PCDHGA12: variants seen among roughly 807,000 people sequenced by gnomAD.
PCDHGA12 encodes protocadherin gamma subfamily A, 12, also known as protocadherin gamma-A12.
Under a neutral mutation model 61.1 loss-of-function variants are expected in PCDHGA12, and 43 were observed. The ratio of observed to expected loss-of-function variants is 0.70; its 90% CI spans 0.55 to 0.91. The LOEUF (loss-of-function observed/expected upper bound fraction) is 0.91. Ranked by LOEUF, PCDHGA12 falls within the 40% of genes least tolerant of loss-of-function variation. The probability of loss-of-function intolerance (pLI) is 0.00; values close to 1 mark genes in which losing one functional copy is unlikely to be tolerated. For missense variants in PCDHGA12, 1,236 were observed against 1,227.7 expected (o/e 1.01, Z -0.10); for synonymous variants, 520 against 542.9 (o/e 0.96, Z 0.59).
intron 1 of PCDHGA12, among the ~76,000 whole-genome samples, chr5:141,445,553 A>T (rs948468877): frequency 1.3e-5 from 2 of 152,252 alleles, no homozygotes; most frequent in Non-Finnish European, 1.5e-5. Context: ...ATACAAAAGC[A>T]CTAAGAGAAA....
chr5:141,433,514 G>C (rs1330494451), intron 1 of PCDHGA12, among the ~76,000 whole-genome samples: 1 of 152,016 alleles, frequency 6.6e-6, no homozygotes, highest in East Asian at 1.9e-4. Context: ...GATTACAGGC[G>C]TGAACCACAG....
intron 2 of PCDHGA12, among the ~76,000 whole-genome samples, chr5:141,502,401 G>A (rs191747075): frequency 2.0e-5 from 3 of 151,874 alleles, no homozygotes; most frequent in Admixed American, 1.3e-4. Flanking sequence ...AAATGTCCCC[G>A]AACCTGGATT....
intron 1 of PCDHGA12, among the ~76,000 whole-genome samples, chr5:141,474,417 C>CCATT (rs1206525105): frequency 6.6e-6 from 1 of 152,222 alleles, no homozygotes; most frequent in East Asian, 1.9e-4. Context: ...GATGCCTAGA[C>CCATT]CATTGGTCCT....
chr5:141,430,815 T>A lies in PCDHGA12; in HGVS notation c.56T>A (p.Leu19His). The A allele has an allele frequency of 6.5e-7, 1 of 1,535,252 alleles. No homozygotes were observed. Among genetic ancestry groups the A allele is most frequent in the Non-Finnish European group, 8.7e-7 (1 of 1,145,670 alleles). The change falls in exon 1 of 4, where the codon CTC (leucine) becomes CAC (histidine). Residue 19 changes from leucine to histidine, a missense_variant. Coordinates refer to ENST00000252085, the MANE Select transcript of PCDHGA12 (RefSeq NM_003735.3). The part of the protein sequence containing the change: ...DYKGLVLLGI[L>H]LGTLWETGCT... ...AAAGGGCTTGTCCTGCTGGGAATCC[T>A]CCTGGGGACTCTGTGGGAGACCGGA...
chr5:141,471,444 A>T (rs1366430114), intron 1 of PCDHGA12: 1 of 152,150 alleles, frequency 6.6e-6, no homozygotes, highest in Non-Finnish European at 1.5e-5. Flanking sequence ...AATCTCATGT[A>T]CCTTTTGAAA....
At chr5:141,437,205 A>G (rs1561884114) in intron 1 of PCDHGA12, among the ~76,000 whole-genome samples, 1 of 152,202 alleles carries the variant, frequency 6.6e-6, no homozygotes, top group African/African-American at 2.4e-5. Context: ...ATGTGTTTAC[A>G]TTTATTCTGA....
chr5:141,468,549 C>T (rs1289802190), intron 1 of PCDHGA12: 2 of 151,940 alleles, frequency 1.3e-5, no homozygotes, highest in Non-Finnish European at 2.9e-5. Flanking sequence ...ACATATTTAA[C>T]ATTTGTGATA....
Position 141,485,567 on chromosome 5 carries a change from C to G in PCDHGA12, c.2425-9240C>G. The stretch of plus-strand genomic sequence containing the variant: ...CGTAGATGTGAATGATCACGCCCCC[C>G]GTTTTCCGCGGCAGCAGCTGGACTT... On this transcript the variant is annotated intron_variant, in intron 1 of 3. Transcript: ENST00000252085. This position sits in a 1 kb window ranked among gnomAD's most constrained non-coding sequence, Gnocchi z 5.7. 1 of 1,612,882 alleles carries G rather than the reference C, an allele frequency of 6.2e-7. No individual in the cohort carries two copies. The highest frequency in any genetic ancestry group is 8.5e-7 in the Non-Finnish European group (1 of 1,178,978).
rs753473913 is a variant in PCDHGA12 at position 141,503,323 on chromosome 5, G to A, written c.2484-2070G>A. On this transcript the variant is annotated intron_variant, in intron 2 of 3. Transcript: ENST00000252085. The stretch of plus-strand genomic sequence containing the variant: ...CTCAAGAAAGAATTGTTGGAGGGGC[G>A]CGGTGGCTCACGCCTGTAATTCCAG... Among the ~76,000 whole-genome samples the A allele has an allele frequency of 2.0e-5, 3 of 152,214 alleles. No individual in the cohort carries two copies. In the Middle Eastern group the frequency reaches 0.01, roughly 518 times the overall value.
chr5:141,465,273 G>A (rs949271610), intron 1 of PCDHGA12, among the ~76,000 whole-genome samples: 1 of 152,068 alleles, frequency 6.6e-6, no homozygotes, highest in Non-Finnish European at 1.5e-5. Context: ...TAGCCATTTA[G>A]TTCACCCCTA....
chr5:141,484,907 C>T, intron 1 of PCDHGA12: 1 of 409,994 alleles, frequency 2.4e-6, no homozygotes, highest in Non-Finnish European at 4.3e-6. Context: ...AATGCTGCGA[C>T]GCATTAACCC....
At position 141,432,003 on chromosome 5, in the gene PCDHGA12, T is replaced by A; in HGVS notation, c.1244T>A (p.Val415Asp). Residue 415 changes from valine to aspartate, a missense_variant, in exon 1 of 4, where the codon GTT becomes GAT. Val to Asp is a radical substitution (Grantham distance 152, BLOSUM62 -3). Coordinates refer to ENST00000252085, the MANE Select transcript of PCDHGA12 (RefSeq NM_003735.3). This position sits in a 1 kb window ranked among gnomAD's most constrained non-coding sequence, Gnocchi z 6.0. ...GACATAGTCTTGGATAGGGAACAGG[T>A]TCCTAGCTACAACATCACAGTGACC... The part of the protein sequence containing the change: ...VTDIVLDREQ[V>D]PSYNITVTAT... The A allele has an allele frequency of 6.2e-7, 1 of 1,614,116 alleles. No individual in the cohort carries two copies.
chr5:141,450,489 CTGTT>C (rs1372781820), intron 1 of PCDHGA12, among the ~76,000 whole-genome samples: 4 of 150,280 alleles, frequency 2.7e-5, no homozygotes, highest in Non-Finnish European at 2.9e-5. Context: ...GTTTGTTTGT[CTGTT>C]TGTTTGTTTT....
intron 1 of PCDHGA12, chr5:141,479,691 C>T (rs2099503603): frequency 6.6e-6 from 1 of 152,206 alleles, no homozygotes; most frequent in Non-Finnish European, 1.5e-5. Context: ...TTTGGTGCCT[C>T]CAGTGTTAGT....
At chr5:141,436,211 C>T (rs12108692) in intron 1 of PCDHGA12, among the ~76,000 whole-genome samples, 2,997 of 152,100 alleles carry the variant, frequency 0.02, 43 homozygotes, top group African/African-American at 0.029. Flanking sequence ...AATAGGAAAA[C>T]AAATGACTTG....
chr5:141,448,915 A>T (rs2098616551), intron 1 of PCDHGA12, among the ~76,000 whole-genome samples: 1 of 152,238 alleles, frequency 6.6e-6, no homozygotes. Context: ...ACTGCACTCC[A>T]GCCTGGGCGA....
At position 141,430,859 on chromosome 5, in the gene PCDHGA12, T is replaced by G. The variant is rs770543752; in HGVS notation, c.100T>G (p.Ser34Ala). ...WETGCTQIRY[S>A]VPEELEKGSR... The stretch of plus-strand genomic sequence containing the variant: ...GACCGGATGCACCCAGATACGCTAT[T>G]CAGTTCCGGAAGAGCTGGAGAAAGG... The change falls in exon 1 of 4, where the codon TCA becomes GCA. Residue 34 changes from serine to alanine, a missense_variant. By Grantham distance (99) the Ser-to-Ala change is moderately conservative (BLOSUM62 1). Transcript: ENST00000252085. 5.0e-6 allele frequency: 8 copies of G among 1,592,398 alleles called. No homozygotes were observed. The East Asian group carries it at 1.6e-4, about 31-fold the overall frequency.
At position 141,487,425 on chromosome 5, in the gene PCDHGA12, G is replaced by A. The variant is rs116499036; in HGVS notation, c.2425-7382G>A. ...CTTCCCCCTTCCAATGGGATCCTCCGAATCCAGCTAGGGTCAGATGACCCT... is the reference window on the plus strand; with the variant it reads ...CTTCCCCCTTCCAATGGGATCCTCCAAATCCAGCTAGGGTCAGATGACCCT... On this transcript the variant is annotated intron_variant, in intron 1 of 3. Coordinates refer to ENST00000252085, the MANE Select transcript of PCDHGA12 (RefSeq NM_003735.3). This position sits in a 1 kb window ranked among gnomAD's most constrained non-coding sequence, Gnocchi z 5.0. The A allele has an allele frequency of 1.1e-5, 17 of 1,613,988 alleles. No individual in the cohort carries two copies. The highest frequency in any genetic ancestry group is 1.6e-4 in the Middle Eastern group (1 of 6,084).
At position 141,432,669 on chromosome 5, in the gene PCDHGA12, C is replaced by T. The variant is rs777314784; in HGVS notation, c.1910C>T (p.Ala637Val). ...GCGCGAGCCCTGCTGGACAGAGACG[C>T]GCTCAAGCAGAGCCTCGTAGTGGCC... ...RTARALLDRD[A>V]LKQSLVVAVQ... Residue 637 changes from alanine (A) to valine (V), a missense_variant, in exon 1 of 4, where the codon GCG becomes GTG. By Grantham distance (64) the Ala-to-Val change is moderately conservative. Transcript: ENST00000252085. This position sits in a 1 kb window ranked among gnomAD's most constrained non-coding sequence, Gnocchi z 6.0. 1 of 1,613,894 alleles carries T rather than the reference C, an allele frequency of 6.2e-7. No homozygotes were observed.
Sources: allele counts gnomAD v4.1 joint callset (sites outside exome capture counted in the v4.1 genomes callset), GRCh38; gene constraint gnomAD v4.1.1; non-coding constraint Gnocchi (gnomAD v3.1); transcripts MANE v1.5; gene names NCBI Gene and HGNC (gene_info 2026-07-23, HGNC 2026-07-21).